MEI4: variants seen among roughly 807,000 people sequenced by gnomAD.
The protein encoded by MEI4 is meiosis-specific protein MEI4.
In MEI4, 27 loss-of-function variants were observed where a neutral mutation model predicts 31.4. The ratio of observed to expected loss-of-function variants is 0.86; its 90% CI spans 0.63 to 1.19. MEI4 has a LOEUF of 1.19. MEI4 is among the 50% of genes most tolerant of loss of function. MEI4 has a pLI of 0.00. For missense variants in MEI4, 329 were observed against 398.9 expected, an observed-to-expected ratio of 0.82 and a Z score of 1.49; for synonymous variants, 122 against 145.4, an observed-to-expected ratio of 0.84 and a Z score of 1.16.
chr6:77,920,593 A>T (rs1280594908), intron 4 of MEI4, among the ~76,000 whole-genome samples: 2 of 151,906 alleles, frequency 1.3e-5, no homozygotes, highest in Admixed American at 6.6e-5. Flanking sequence ...AGAATGGTGA[A>T]TCCCTTCCGG....
chr6:77,925,963 C>G lies in MEI4; in HGVS notation c.*2617C>G, dbSNP rs974884075. 1 of 151,580 alleles carries G rather than the reference C, an allele frequency of 6.6e-6. No homozygotes were observed. The highest frequency in any genetic ancestry group is 1.5e-5 in the Non-Finnish European group (1 of 67,856). 9.4% of individuals were successfully genotyped at this position (151,580 alleles called of 1,614,324 possible). ...CCCAGCACCTGTAATGAGAAAGGTA[C>G]GATTATTTCCTGAATCTGTATTTTA... On this transcript the variant is annotated 3_prime_UTR_variant, in exon 5 of 5. Transcript: ENST00000684080.
intron 3 of MEI4, among the ~76,000 whole-genome samples, chr6:77,776,354 T>G (rs1768441944): frequency 6.6e-6 from 1 of 152,116 alleles, no homozygotes; most frequent in African/African-American, 2.4e-5. Flanking sequence ...TATCTATGCC[T>G]TCTTCCAAAT....
chr6:77,692,644 A>G (rs934857713), intron 2 of MEI4, among the ~76,000 whole-genome samples: 9 of 152,092 alleles, frequency 5.9e-5, no homozygotes, highest in Admixed American at 3.3e-4. Flanking sequence ...GAATGGTTTC[A>G]GAGAGTGGTT....
chr6:77,855,469 G>T (rs530345760), intron 4 of MEI4, among the ~76,000 whole-genome samples: 1 of 152,314 alleles, frequency 6.6e-6, no homozygotes, highest in South Asian at 2.1e-4. Flanking sequence ...TAAGGCTGAG[G>T]TCTATCTTAC....
chr6:77,811,947 A>G (rs1389178592), intron 3 of MEI4, among the ~76,000 whole-genome samples: 1 of 152,122 alleles, frequency 6.6e-6, no homozygotes, highest in Non-Finnish European at 1.5e-5. Flanking sequence ...TGTGTATGTG[A>G]TTTCTAAAAT....
intron 3 of MEI4, among the ~76,000 whole-genome samples, chr6:77,765,429 A>T (rs1034435718): frequency 1.3e-5 from 2 of 151,516 alleles, no homozygotes; most frequent in Non-Finnish European, 2.9e-5. Context: ...TTTTATTATT[A>T]TTATACTTTA....
chr6:77,714,932 G>T (rs894961905), intron 2 of MEI4, among the ~76,000 whole-genome samples: 46 of 152,182 alleles, frequency 3.0e-4, no homozygotes, highest in African/African-American at 1.0e-3. Context: ...TGACAGAAAT[G>T]CCTTTTTGCC....
intron 1 of MEI4, among the ~76,000 whole-genome samples, chr6:77,687,859 T>C (rs1050536328): frequency 1.3e-5 from 2 of 152,034 alleles, no homozygotes; most frequent in Admixed American, 1.3e-4. Context: ...ATCCCATTGA[T>C]TGGGGGTTTT....
At chr6:77,766,359 C>T (rs1440472003) in intron 3 of MEI4, among the ~76,000 whole-genome samples, 1 of 151,008 alleles carries the variant, frequency 6.6e-6, no homozygotes, top group Non-Finnish European at 1.5e-5. Flanking sequence ...TTGCTTAGAT[C>T]ATTTCAGGCA....
Position 77,824,771 on chromosome 6 carries a change from T to C in MEI4, c.769-4160T>C, listed in dbSNP as rs184453635. ...AGAAAGGGAATGTTATTATCATTGT[T>C]ATTGGGATATTTGATGTAGTATCCA... On this transcript the variant is annotated intron_variant, in intron 3 of 4. Transcript: ENST00000684080. Among the ~76,000 whole-genome samples the C allele has an allele frequency of 3.9e-5, 6 of 152,312 alleles. No homozygotes were observed. The East Asian group carries it at 1.2e-3, about 29-fold the overall frequency.
intron 4 of MEI4, among the ~76,000 whole-genome samples, chr6:77,883,744 A>ATATATAT (rs1491236242): frequency 2.3e-4 from 29 of 124,924 alleles, no homozygotes; most frequent in African/African-American, 3.7e-4. Context: ...ATATATATAT[A>ATATATAT]ACTTTGTCTT....
chr6:77,796,782 C>T (rs1331708829), intron 3 of MEI4, among the ~76,000 whole-genome samples: 2 of 152,178 alleles, frequency 1.3e-5, no homozygotes, highest in African/African-American at 4.8e-5. Context: ...GCTACAGATT[C>T]AGTGCCATCC....
chr6:77,836,606 T>A (rs1770223683), intron 4 of MEI4, among the ~76,000 whole-genome samples: 1 of 152,126 alleles, frequency 6.6e-6, no homozygotes, highest in African/African-American at 2.4e-5. Flanking sequence ...ATACATTTAC[T>A]TCTCTAAAAC....
At chr6:77,745,040 G>T (rs1482024393) in intron 2 of MEI4, among the ~76,000 whole-genome samples, 2 of 152,138 alleles carry the variant, frequency 1.3e-5, no homozygotes, top group Non-Finnish European at 2.9e-5. Flanking sequence ...GACCATTGAG[G>T]CTAGGAGGAA....
At chr6:77,670,764 TTTCTC>T (rs1768723721) in intron 1 of MEI4, among the ~76,000 whole-genome samples, 1 of 152,270 alleles carries the variant, frequency 6.6e-6, no homozygotes, top group East Asian at 1.9e-4. Flanking sequence ...TCCCTTACCT[TTTCTC>T]TTCATCTTAC....
At chr6:77,696,430 G>A (rs142023740) in intron 2 of MEI4, among the ~76,000 whole-genome samples, 1,570 of 152,166 alleles carry the variant, frequency 0.01, 26 homozygotes, top group African/African-American at 0.035. Flanking sequence ...TTATTTTGAG[G>A]TACGTCCCAT....
intron 1 of MEI4, among the ~76,000 whole-genome samples, chr6:77,654,221 G>A (rs1270165227): frequency 1.3e-5 from 2 of 152,316 alleles, no homozygotes; most frequent in Non-Finnish European, 2.9e-5. Context: ...GAGTGTTATA[G>A]ATAGGAATGA....
intron 3 of MEI4, among the ~76,000 whole-genome samples, chr6:77,815,742 T>G (rs1201086039): frequency 6.6e-6 from 1 of 152,126 alleles, no homozygotes; most frequent in African/African-American, 2.4e-5. Context: ...GTTGGAACTT[T>G]AGGGAGTATT....
chr6:77,768,580 G>C (rs1039710016), intron 3 of MEI4, among the ~76,000 whole-genome samples: 1 of 151,896 alleles, frequency 6.6e-6, no homozygotes, highest in African/African-American at 2.4e-5. Context: ...TGCACCTGTA[G>C]TCCCAGCTAC....
Sources: allele counts gnomAD v4.1 joint callset (sites outside exome capture counted in the v4.1 genomes callset), GRCh38; gene constraint gnomAD v4.1.1; transcripts MANE v1.5; gene names NCBI Gene and HGNC (gene_info 2026-07-23, HGNC 2026-07-21).